The following ABTB3 variants were observed in gnomAD, a reference collection of about 807,000 sequenced individuals.
ABTB3 encodes the protein ankyrin repeat and BTB domain containing 3.
chr12:107,362,716 C>A, the ABTB3 span, among the ~76,000 whole-genome samples: 1 of 151,820 alleles, frequency 6.6e-6, no homozygotes, highest in Non-Finnish European at 1.5e-5. Flanking sequence ...TTGCTTGAGC[C>A]GAGGAGCTTG....
the ABTB3 span, among the ~76,000 whole-genome samples, chr12:107,400,809 A>C: frequency 6.6e-6 from 1 of 152,062 alleles, no homozygotes; most frequent in African/African-American, 2.4e-5. Context: ...TGCTCAAGCT[A>C]ATCTCCCTTC....
the ABTB3 span, among the ~76,000 whole-genome samples, chr12:107,608,899 A>AAAT: frequency 1.7e-4 from 14 of 82,156 alleles, no homozygotes; most frequent in African/African-American, 1.1e-3. Flanking sequence ...AAAATAAATA[A>AAAT]AATAAAATAA....
the ABTB3 span, chr12:107,610,480 T>C: frequency 9.4e-7 from 1 of 1,062,962 alleles, no homozygotes; most frequent in South Asian, 1.8e-5. Flanking sequence ...ACTGACGGCT[T>C]AGATTGCTTG....
the ABTB3 span, among the ~76,000 whole-genome samples, chr12:107,431,059 G>A: frequency 6.6e-6 from 1 of 152,188 alleles, no homozygotes; most frequent in African/African-American, 2.4e-5. Context: ...ACATGTTTGT[G>A]CTTTTTCCAA....
the ABTB3 span, among the ~76,000 whole-genome samples, chr12:107,523,428 G>A: frequency 6.6e-6 from 1 of 152,224 alleles, no homozygotes; most frequent in South Asian, 2.1e-4. Flanking sequence ...TGGCAATGTG[G>A]TGAAACCTGT....
chr12:107,522,017 A>G, the ABTB3 span, among the ~76,000 whole-genome samples: 1 of 152,032 alleles, frequency 6.6e-6, no homozygotes, highest in African/African-American at 2.4e-5. Flanking sequence ...TGGGAAGTCC[A>G]AGATCAAGGT....
chr12:107,379,345 TG>T, the ABTB3 span, among the ~76,000 whole-genome samples: 1 of 152,140 alleles, frequency 6.6e-6, no homozygotes, highest in Non-Finnish European at 1.5e-5. Flanking sequence ...GGGAGGGACC[TG>T]GTGGGAGGTA....
the ABTB3 span, among the ~76,000 whole-genome samples, chr12:107,598,771 C>T: frequency 1.3e-5 from 2 of 152,148 alleles, no homozygotes; most frequent in African/African-American, 4.8e-5. Context: ...AGCCTAACAT[C>T]CCCATTTTAC....
At chr12:107,511,328 A>G in the ABTB3 span, among the ~76,000 whole-genome samples, 2 of 152,234 alleles carry the variant, frequency 1.3e-5, no homozygotes, top group African/African-American at 4.8e-5. Flanking sequence ...TTAACAAACT[A>G]CCTCCAAATT....
At chr12:107,618,417 C>A in the ABTB3 span, 1 of 1,555,120 alleles carries the variant, frequency 6.4e-7, no homozygotes, top group Non-Finnish European at 8.8e-7. Flanking sequence ...ACCATGGTGC[C>A]CCCAGCTTTA....
the ABTB3 span, among the ~76,000 whole-genome samples, chr12:107,417,320 C>T: frequency 6.6e-6 from 1 of 152,240 alleles, no homozygotes; most frequent in Non-Finnish European, 1.5e-5. Flanking sequence ...AGAAACTTCT[C>T]TGAAGGCTGT....
chr12:107,467,501 A>G, the ABTB3 span, among the ~76,000 whole-genome samples: 5 of 152,194 alleles, frequency 3.3e-5, 1 homozygote, highest in Admixed American at 3.3e-4. Flanking sequence ...ATTGTTCACG[A>G]ATTGAATCTC....
the ABTB3 span, among the ~76,000 whole-genome samples, chr12:107,343,274 A>G: frequency 6.6e-6 from 1 of 151,938 alleles, no homozygotes; most frequent in Non-Finnish European, 1.5e-5. Flanking sequence ...TTGGCCTCCT[A>G]AAGTGTTGGG....
At chr12:107,363,113 T>G in the ABTB3 span, among the ~76,000 whole-genome samples, 2 of 152,232 alleles carry the variant, frequency 1.3e-5, no homozygotes, top group Non-Finnish European at 2.9e-5. Context: ...AAGGCCAGAC[T>G]TCCAGCTTGT....
At chr12:107,627,901 A>G in the ABTB3 span, among the ~76,000 whole-genome samples, 1 of 152,252 alleles carries the variant, frequency 6.6e-6, no homozygotes, top group Non-Finnish European at 1.5e-5. Context: ...ACATATTACT[A>G]CCATAAGTGG....
chr12:107,499,503 G>C, the ABTB3 span, among the ~76,000 whole-genome samples: 4 of 151,968 alleles, frequency 2.6e-5, no homozygotes, highest in African/African-American at 9.7e-5. Context: ...CTGTGTATTC[G>C]TCTGTTTTCA....
the ABTB3 span, among the ~76,000 whole-genome samples, chr12:107,462,795 AATG>A: frequency 6.8e-6 from 1 of 147,068 alleles, no homozygotes; most frequent in African/African-American, 2.6e-5. Flanking sequence ...TCACAGTGAT[AATG>A]ATGGTGGTGA....
chr12:107,444,368 G>T, the ABTB3 span, among the ~76,000 whole-genome samples: 25 of 152,328 alleles, frequency 1.6e-4, no homozygotes, highest in South Asian at 4.6e-3. Context: ...TGTATGGCAG[G>T]CCTGGCTAGG....
the ABTB3 span, among the ~76,000 whole-genome samples, chr12:107,553,252 C>T: frequency 6.6e-6 from 1 of 152,130 alleles, no homozygotes; most frequent in African/African-American, 2.4e-5. Context: ...TTTTGATGAA[C>T]ACTTACAAAT....
Sources: gnomAD v4.1 joint callset for allele counts (sites outside exome capture counted in the v4.1 genomes callset) on GRCh38, gnomAD v4.1.1 for gene constraint, MANE v1.5 for transcripts, NCBI Gene and HGNC (gene_info 2026-07-23, HGNC 2026-07-21) for gene names.